Variants in TRIP4 observed in about 807,000 individuals in gnomAD.
The protein encoded by TRIP4 is activating signal cointegrator 1.
In TRIP4, 54 loss-of-function variants were observed where a neutral mutation model predicts 81.8. The observed-to-expected ratio is 0.66, with a 90% CI of 0.53 to 0.83. TRIP4 has a LOEUF of 0.83. TRIP4 is among the 40% of genes least tolerant of loss of function. The probability of loss-of-function intolerance (pLI) is 0.00; values close to 1 mark genes in which losing one functional copy is unlikely to be tolerated. For missense variants in TRIP4, 662 were observed against 683.6 expected (o/e 0.97, Z 0.35); for synonymous variants, 270 against 242.8 (o/e 1.11, Z -1.04).
chr15:64,398,972 C>T (rs113724902), intron 4 of TRIP4, among the ~76,000 whole-genome samples: 1,977 of 119,438 alleles, frequency 0.017, 66 homozygotes, highest in African/African-American at 0.071. Flanking sequence ...TTTTTTGAGA[C>T]GGAGTCTCAC....
chr15:64,395,444 G>C lies in TRIP4; in HGVS notation c.318G>C (p.Arg106Ser). The change falls in exon 3 of 13, where the codon AGG (arginine) becomes AGC (serine). Residue 106 changes from arginine to serine, a missense_variant. By Grantham distance (110) the Arg-to-Ser change is moderately radical. Transcript: ENST00000261884. ...CAGGCGACCATCTAAAGCGGGGTAG[G>C]AAGAAAGGGAGAAACAGACAGGAAG... ...QKSGDHLKRG[R>S]KKGRNRQEVP... 6.2e-7 allele frequency: 1 copy of C among 1,613,774 alleles called. No homozygotes were observed. Among genetic ancestry groups the C allele is most frequent in the Non-Finnish European group, 8.5e-7 (1 of 1,179,906 alleles).
At chr15:64,431,847 A>ATATATATATATATATATATATTTTTTTTT in intron 11 of TRIP4, among the ~76,000 whole-genome samples, 2 of 119,546 alleles carry the variant, frequency 1.7e-5, no homozygotes, top group African/African-American at 6.5e-5. Context: ...ATATATATAT[A>ATATATATATATATATATATATTTTTTTTT]TTTTTTTTAT....
intron 11 of TRIP4, among the ~76,000 whole-genome samples, chr15:64,435,318 A>G (rs1013787026): frequency 4.0e-5 from 6 of 151,226 alleles, no homozygotes; most frequent in African/African-American, 1.5e-4. Flanking sequence ...TCAGGAGTTC[A>G]AGACCAGCCT....
intron 5 of TRIP4, among the ~76,000 whole-genome samples, chr15:64,404,661 T>C (rs2140288539): frequency 1.3e-5 from 2 of 152,302 alleles, no homozygotes; most frequent in Admixed American, 1.3e-4. Flanking sequence ...TTTTTTCAAT[T>C]AGATTTTAAG....
intron 9 of TRIP4, among the ~76,000 whole-genome samples, chr15:64,420,265 G>A (rs956972025): frequency 1.3e-5 from 2 of 151,516 alleles, no homozygotes; most frequent in Non-Finnish European, 2.9e-5. Flanking sequence ...GGGTTCACAC[G>A]CATGTGCCAC....
intron 3 of TRIP4, among the ~76,000 whole-genome samples, chr15:64,395,980 C>T (rs1900281636): frequency 6.6e-6 from 1 of 151,884 alleles, no homozygotes; most frequent in African/African-American, 2.4e-5. Flanking sequence ...GTAATCTCAG[C>T]TCACCACAAC....
intron 5 of TRIP4, among the ~76,000 whole-genome samples, chr15:64,401,960 G>A (rs184755922): frequency 2.0e-5 from 3 of 152,082 alleles, no homozygotes; most frequent in Non-Finnish European, 4.4e-5. Context: ...TATATATGAC[G>A]ACTAATTGCA....
chr15:64,411,336 G>T (rs1891756577), intron 7 of TRIP4, among the ~76,000 whole-genome samples: 1 of 152,150 alleles, frequency 6.6e-6, no homozygotes, highest in Non-Finnish European at 1.5e-5. Flanking sequence ...GTCAATGTAG[G>T]TTGATCAGTT....
intron 9 of TRIP4, among the ~76,000 whole-genome samples, chr15:64,420,202 A>G (rs536899910): frequency 6.7e-6 from 1 of 148,594 alleles, no homozygotes; most frequent in Admixed American, 6.7e-5. Context: ...GCTCACTGCA[A>G]CCTCCACCTC....
intron 5 of TRIP4, among the ~76,000 whole-genome samples, 153 bp from the exon 6 acceptor site, chr15:64,406,177 G>A (rs1891617600): frequency 6.6e-6 from 1 of 152,200 alleles, no homozygotes; most frequent in African/African-American, 2.4e-5. Context: ...GTACAGGTAA[G>A]GCCTGGACTG....
chr15:64,432,436 A>AAACC (rs60410160), intron 11 of TRIP4, among the ~76,000 whole-genome samples: 132,913 of 151,390 alleles, frequency 0.88, 59,324 homozygotes, highest in East Asian at 0.96. Context: ...CAGCTTGGTG[A>AAACC]CCATCTCTAC....
At chr15:64,394,401 C>T (rs1052740096) in intron 2 of TRIP4, among the ~76,000 whole-genome samples, 1 of 151,870 alleles carries the variant, frequency 6.6e-6, no homozygotes, top group Non-Finnish European at 1.5e-5. Flanking sequence ...GTCAGGAGAT[C>T]GAGACCATCG....
intron 5 of TRIP4, among the ~76,000 whole-genome samples, chr15:64,405,158 CT>C (rs1376294499): frequency 1.8e-3 from 251 of 142,434 alleles, no homozygotes; most frequent in Middle Eastern, 3.7e-3. Context: ...TTTTTCTTTT[CT>C]TTTTTTTTTT....
chr15:64,401,106 C>T (rs1378321987), intron 5 of TRIP4, among the ~76,000 whole-genome samples: 4 of 151,352 alleles, frequency 2.6e-5, no homozygotes, highest in African/African-American at 4.9e-5. Flanking sequence ...GGATTGCAGG[C>T]GTGTGCCACC....
intron 12 of TRIP4, among the ~76,000 whole-genome samples, chr15:64,454,189 G>A (rs1180109167): frequency 6.7e-6 from 1 of 149,864 alleles, no homozygotes; most frequent in African/African-American, 2.5e-5. Context: ...TTCAGCATAA[G>A]CATCACTATT....
At chr15:64,431,454 A>G (rs1422484052) in intron 11 of TRIP4, among the ~76,000 whole-genome samples, 2 of 152,166 alleles carry the variant, frequency 1.3e-5, no homozygotes, top group Non-Finnish European at 2.9e-5. Flanking sequence ...CTGTAATCCC[A>G]GCACTTTGGG....
Position 64,454,934 on chromosome 15 carries a change from C to G in TRIP4, c.1679-63C>G. ...CACAGTAACCAGAAGACCTGGGAGG[C>G]TGCAAAAGATTTGCATTGCAAATAC... is the stretch of plus-strand genomic sequence containing the variant. On this transcript the variant is annotated intron_variant, in intron 12 of 12. Coordinates refer to ENST00000261884, the MANE Select transcript of TRIP4 (RefSeq NM_016213.5). 2.0e-6 allele frequency: 3 copies of G among 1,477,622 alleles called. No individual in the cohort carries two copies. The Middle Eastern group carries it at 5.2e-4, about 258-fold the overall frequency. The allele number at this position is 1,477,622 out of a possible 1,614,324, so 91.5% of individuals were successfully genotyped here. A position where few individuals can be genotyped will look rare whatever the true frequency, so the allele number is the denominator to read the frequency against.
intron 1 of TRIP4, among the ~76,000 whole-genome samples, chr15:64,391,134 GA>G (rs1453403690): frequency 2.6e-5 from 4 of 151,802 alleles, no homozygotes; most frequent in Non-Finnish European, 5.9e-5. Flanking sequence ...CTGAATTTTT[GA>G]AATAGCACAG....
chr15:64,445,075 G>A lies in TRIP4; in HGVS notation c.1645G>A (p.Val549Met). ...FICKNPQEMV[V>M]KFPIKGNPKI... ...CTGCAAAAATCCTCAGGAAATGGTT[G>A]TGAAGTTTCCTATTAAAGGAAATCC... Residue 549 changes from valine (V) to methionine (M), a missense_variant, in exon 12 of 13, where the codon GTG becomes ATG. Physicochemically the swap from Val to Met is conservative, Grantham distance 21 (BLOSUM62 1). Coordinates refer to ENST00000261884, the MANE Select transcript of TRIP4 (RefSeq NM_016213.5). The A allele has an allele frequency of 1.2e-6, 2 of 1,606,330 alleles. No homozygotes were observed. Among genetic ancestry groups the A allele is most frequent in the Admixed American group, 1.7e-5 (1 of 59,120 alleles).
Sources: allele counts gnomAD v4.1 joint callset (sites outside exome capture counted in the v4.1 genomes callset), GRCh38; gene constraint gnomAD v4.1.1; transcripts MANE v1.5; gene names NCBI Gene and HGNC (gene_info 2026-07-23, HGNC 2026-07-21).